Variants in MCC observed in about 807,000 individuals in gnomAD.
MCC encodes the protein colorectal mutant cancer protein.
MCC carries 90 observed loss-of-function variants against 116.2 expected under a neutral mutation model. That is an observed-to-expected ratio of 0.77 (90% CI 0.65 to 0.92). The LOEUF (loss-of-function observed/expected upper bound fraction) is 0.92, where lower values mean the gene tolerates loss of function less well. Among genes scored for constraint, MCC ranks in the 40% least tolerant of loss-of-function variants. The pLI, the probability that MCC is intolerant of heterozygous loss-of-function variation, is 0.00. For synonymous variants in MCC, 578 were observed against 510.5 expected (o/e 1.13, Z -1.78); for missense variants, 1,516 against 1,312.2 (o/e 1.16, Z -2.40).
intron 6 of MCC, among the ~76,000 whole-genome samples, chr5:113,106,662 C>A (rs1049160650): frequency 3.9e-5 from 6 of 152,176 alleles, no homozygotes; most frequent in Non-Finnish European, 7.3e-5. Flanking sequence ...TGGGTTCAAC[C>A]TATCGTCCCA....
rs116267219 is a variant in MCC at position 113,312,639 on chromosome 5, A to G, written c.627+27880T>C. Among the ~76,000 whole-genome samples, 928 of 152,338 alleles carry G rather than the reference A, an allele frequency of 6.1e-3. 7 individuals carry two copies. The highest frequency in any genetic ancestry group is 0.021 in the African/African-American group (865 of 41,582). On this transcript the variant is annotated intron_variant, in intron 3 of 18. Coordinates refer to ENST00000408903, the MANE Select transcript of MCC (RefSeq NM_001085377.2). ...GAACAAATGAAAGGCTTTGTAGATG[A>G]TGTGAAGGGTTTAAGACTTGATCCA... is the stretch of plus-strand genomic sequence containing the variant.
intron 3 of MCC, among the ~76,000 whole-genome samples, chr5:113,167,459 C>G (rs1163534605): frequency 6.6e-6 from 1 of 152,110 alleles, no homozygotes; most frequent in Non-Finnish European, 1.5e-5. Context: ...GTGATTGATA[C>G]ATAAAGGAAC....
At chr5:113,449,370 G>C (rs182358912) in intron 1 of MCC, among the ~76,000 whole-genome samples, 78 of 152,300 alleles carry the variant, frequency 5.1e-4, no homozygotes, top group African/African-American at 1.3e-3. Context: ...TTGGGGAAAG[G>C]AAGAAAGAAA....
At chr5:113,386,779 C>G (rs1219404925) in intron 1 of MCC, among the ~76,000 whole-genome samples, 1 of 108,312 alleles carries the variant, frequency 9.2e-6, no homozygotes, top group Non-Finnish European at 1.8e-5. Flanking sequence ...ATATATGCCT[C>G]TGCATCTGTG....
At chr5:113,354,722 CCG>C (rs907361179) in intron 2 of MCC, among the ~76,000 whole-genome samples, 5 of 151,446 alleles carry the variant, frequency 3.3e-5, no homozygotes, top group African/African-American at 1.2e-4. Flanking sequence ...GCATGAGCCA[CCG>C]TGCCCGGCCC....
At chr5:113,137,956 A>AG (rs11450613) in intron 5 of MCC, among the ~76,000 whole-genome samples, 132,056 of 151,954 alleles carry the variant, frequency 0.87, 57,995 homozygotes, top group Non-Finnish European at 0.93. Flanking sequence ...TGGCTACATT[A>AG]CCCTGTAGCT....
chr5:113,086,284 T>A (rs572510578), intron 8 of MCC, among the ~76,000 whole-genome samples: 5 of 145,656 alleles, frequency 3.4e-5, no homozygotes, highest in African/African-American at 1.3e-4. Flanking sequence ...AGTGAGGAGA[T>A]GGCTTTAGTG....
At chr5:113,092,402 C>A (rs1255229658) in intron 8 of MCC, among the ~76,000 whole-genome samples, 1 of 152,186 alleles carries the variant, frequency 6.6e-6, no homozygotes, top group Non-Finnish European at 1.5e-5. Context: ...CAGAGAGATG[C>A]AGCCTTGCCG....
At chr5:113,052,076 T>G (rs1752522247) in intron 15 of MCC, among the ~76,000 whole-genome samples, 1 of 152,184 alleles carries the variant, frequency 6.6e-6, no homozygotes, top group Non-Finnish European at 1.5e-5. Context: ...TTTAGAAAAT[T>G]TCTAAGATCA....
chr5:113,313,070 G>C (rs952636506), intron 3 of MCC, among the ~76,000 whole-genome samples: 20 of 152,062 alleles, frequency 1.3e-4, no homozygotes, highest in African/African-American at 3.6e-4. Flanking sequence ...GAAGGGGCCT[G>C]GCATGGTGAC....
At chr5:113,050,889 G>T (rs533061148) in intron 15 of MCC, among the ~76,000 whole-genome samples, 54 of 152,344 alleles carry the variant, frequency 3.5e-4, no homozygotes, top group African/African-American at 1.2e-3. Context: ...GGCCTCTGAG[G>T]CAGAGAGCCA....
chr5:113,075,242 G>C (rs772652273), intron 11 of MCC, among the ~76,000 whole-genome samples: 1 of 152,206 alleles, frequency 6.6e-6, no homozygotes, highest in African/African-American at 2.4e-5. Context: ...CGCCACGCTC[G>C]AATTCTCACT....
intron 1 of MCC, among the ~76,000 whole-genome samples, chr5:113,474,709 T>C (rs1459991897): frequency 6.6e-6 from 1 of 152,096 alleles, no homozygotes; most frequent in African/African-American, 2.4e-5. Flanking sequence ...TGGTTAGAGA[T>C]GAAGTAGCTT....
At chr5:113,129,676 A>C (rs926475557) in intron 5 of MCC, among the ~76,000 whole-genome samples, 4 of 152,266 alleles carry the variant, frequency 2.6e-5, no homozygotes, top group Non-Finnish European at 4.4e-5. Flanking sequence ...TGGGCAAAGG[A>C]TATGAACAGA....
intron 1 of MCC, among the ~76,000 whole-genome samples, chr5:113,486,467 G>A (rs1772529659): frequency 6.6e-6 from 1 of 152,190 alleles, no homozygotes. Context: ...TTCAGATAAA[G>A]CAATATATTA....
At chr5:113,353,573 C>T (rs1561535171) in intron 2 of MCC, among the ~76,000 whole-genome samples, 1 of 152,186 alleles carries the variant, frequency 6.6e-6, no homozygotes, top group Admixed American at 6.5e-5. Context: ...AGTGGTCCCA[C>T]AGATATACGT....
At chr5:113,270,398 T>C (rs150042945) in intron 3 of MCC, among the ~76,000 whole-genome samples, 141 of 151,658 alleles carry the variant, frequency 9.3e-4, no homozygotes, top group Non-Finnish European at 1.6e-3. Flanking sequence ...CTTTCACTGA[T>C]AGAATTCCAA....
chr5:113,070,831 T>C (rs961939852), intron 12 of MCC, among the ~76,000 whole-genome samples: 1 of 152,192 alleles, frequency 6.6e-6, no homozygotes, highest in Non-Finnish European at 1.5e-5. Flanking sequence ...GAAATGAACA[T>C]GTAACATGCC....
intron 3 of MCC, among the ~76,000 whole-genome samples, chr5:113,274,445 T>C (rs904812513): frequency 6.6e-6 from 1 of 152,212 alleles, no homozygotes; most frequent in Non-Finnish European, 1.5e-5. Context: ...CTGCAACCAC[T>C]GCCTCCCGGG....
Sources: gnomAD v4.1 joint callset for allele counts (sites outside exome capture counted in the v4.1 genomes callset) on GRCh38, gnomAD v4.1.1 for gene constraint, MANE v1.5 for transcripts, NCBI Gene and HGNC (gene_info 2026-07-23, HGNC 2026-07-21) for gene names.